The following TMEM181 variants were observed in gnomAD, a reference collection of about 807,000 sequenced individuals.
TMEM181 encodes the protein transmembrane protein 181, also known as G protein-coupled receptor 178.
A neutral mutation model predicts 71.9 loss-of-function variants in TMEM181; 39 were observed. The observed-to-expected ratio is 0.54, with a 90% CI of 0.42 to 0.71. The LOEUF (loss-of-function observed/expected upper bound fraction) is 0.71, where lower values mean the gene tolerates loss of function less well. TMEM181 is among the 30% of genes least tolerant of loss of function. The pLI is 0.00. For missense variants in TMEM181, 595 were observed against 583.0 expected (o/e 1.02, Z -0.21); for synonymous variants, 245 against 228.8 (o/e 1.07, Z -0.64).
At chr6:158,625,470 G>A (rs575683040) in intron 12 of TMEM181, among the ~76,000 whole-genome samples, 2 of 152,282 alleles carry the variant, frequency 1.3e-5, no homozygotes, top group Admixed American at 1.3e-4. Context: ...GAGCTTGCGG[G>A]ATCCTTTCCT....
At chr6:158,540,595 A>C (rs915339626) in intron 1 of TMEM181, among the ~76,000 whole-genome samples, 1 of 152,204 alleles carries the variant, frequency 6.6e-6, no homozygotes, top group Non-Finnish European at 1.5e-5. Context: ...AGCCTGAGCA[A>C]CGTAGTGAAA....
At position 158,579,722 on chromosome 6, in the gene TMEM181, AAAAC is replaced by A. The variant is rs1205266104; in HGVS notation, c.113-1206_113-1203del. ...CAACAAGAGTGAAACGCTGTCTCAA[AAAAC>A]AAACAAACAAAAAACAAAAATAAGG... On this transcript the variant is annotated intron_variant, in intron 2 of 16. Transcript: ENST00000684151. 3.2e-4 allele frequency among the ~76,000 whole-genome samples: 49 copies of A among 152,326 alleles called. 1 individual carries two copies. Among genetic ancestry groups the A allele is most frequent in the Admixed American group, 1.9e-3 (29 of 15,298 alleles).
At chr6:158,542,739 G>A (rs138595114) in intron 1 of TMEM181, among the ~76,000 whole-genome samples, 66 of 152,102 alleles carry the variant, frequency 4.3e-4, no homozygotes, top group African/African-American at 1.5e-3. Context: ...TGAGTAGCTG[G>A]GACTACATGC....
intron 1 of TMEM181, among the ~76,000 whole-genome samples, chr6:158,569,157 G>A (rs980712444): frequency 3.3e-5 from 5 of 152,162 alleles, no homozygotes; most frequent in African/African-American, 1.2e-4. Context: ...CTTTTAGATT[G>A]GAAGTCGAGA....
chr6:158,627,865 C>G (rs1234897982), intron 13 of TMEM181, among the ~76,000 whole-genome samples: 1 of 152,092 alleles, frequency 6.6e-6, no homozygotes, highest in Admixed American at 6.5e-5. Flanking sequence ...GGGGGAGGAG[C>G]CTGTGGACCT....
upstream of TMEM181, among the ~76,000 whole-genome samples, chr6:158,558,802 G>C (rs1316277727): frequency 6.6e-6 from 1 of 152,088 alleles, no homozygotes; most frequent in Non-Finnish European, 1.5e-5. Context: ...GGTGGCTCAC[G>C]TCTGTAATTT....
chr6:158,589,812 A>G (rs763596978), intron 6 of TMEM181, 30 bp downstream of exon 6: 4 of 1,450,698 alleles, frequency 2.8e-6, no homozygotes, highest in South Asian at 1.2e-5. Flanking sequence ...GCACGTTTCC[A>G]TGGCTCATGT....
At chr6:158,596,942 G>A (rs985014186) in intron 6 of TMEM181, among the ~76,000 whole-genome samples, 2 of 152,202 alleles carry the variant, frequency 1.3e-5, no homozygotes, top group Non-Finnish European at 1.5e-5. Flanking sequence ...TTCAAGTTGA[G>A]ATTTGGGTGG....
chr6:158,616,947 T>C (rs2128323631), intron 10 of TMEM181, among the ~76,000 whole-genome samples: 1 of 152,310 alleles, frequency 6.6e-6, no homozygotes, highest in African/African-American at 2.4e-5. Flanking sequence ...TAAAATTCTC[T>C]TTTGTTGTGT....
chr6:158,539,972 A>G (rs544188306), intron 1 of TMEM181, among the ~76,000 whole-genome samples: 92 of 152,364 alleles, frequency 6.0e-4, no homozygotes, highest in African/African-American at 2.0e-3. Flanking sequence ...TCAGATACAC[A>G]TAACAGAAAA....
intron 2 of TMEM181, among the ~76,000 whole-genome samples, chr6:158,575,709 A>G (rs1366657531): frequency 6.6e-6 from 1 of 152,204 alleles, no homozygotes; most frequent in African/African-American, 2.4e-5. Flanking sequence ...CAGATTGTGA[A>G]TCTGTTTAAA....
upstream of TMEM181, among the ~76,000 whole-genome samples, chr6:158,558,323 G>T (rs1159999148): frequency 1.3e-5 from 2 of 152,202 alleles, no homozygotes; most frequent in African/African-American, 2.4e-5. Context: ...CCCTCCCAGG[G>T]TTTAAGATAT....
chr6:158,619,702 G>A (rs541362345), intron 10 of TMEM181, among the ~76,000 whole-genome samples: 1 of 152,062 alleles, frequency 6.6e-6, no homozygotes, highest in South Asian at 2.1e-4. Flanking sequence ...AATGCCGTCT[G>A]TACTAAAATA....
chr6:158,620,629 C>T lies in TMEM181; in HGVS notation c.897-2921C>T, dbSNP rs193030640. Among the ~76,000 whole-genome samples, 11 of 152,258 alleles carry T rather than the reference C, an allele frequency of 7.2e-5. No homozygotes were observed. Among genetic ancestry groups the T allele is most frequent in the East Asian group, 1.9e-4 (1 of 5,184 alleles). ...TGAGAGCCCACTGGGGAGTAGCCCC[C>T]GCCCGAGCCTCGCAGTCCCCTTCAG... On this transcript the variant is annotated intron_variant, in intron 10 of 16. Coordinates refer to ENST00000684151, the MANE Select transcript of TMEM181 (RefSeq NM_001376852.1). This position sits in a 1 kb window ranked among gnomAD's most constrained non-coding sequence, Gnocchi z 4.5.
intron 2 of TMEM181, among the ~76,000 whole-genome samples, chr6:158,577,110 C>G (rs1339355016): frequency 6.6e-6 from 1 of 150,414 alleles, no homozygotes; most frequent in Non-Finnish European, 1.5e-5. Context: ...GAAGTATGAC[C>G]CATCGAAGGG....
At chr6:158,585,181 C>A (rs1783696889) in intron 4 of TMEM181, 123 bp from the exon 5 acceptor site, 1 of 1,018,658 alleles carries the variant, frequency 9.8e-7, no homozygotes, top group Non-Finnish European at 1.4e-6. Context: ...GTGCTGAGGC[C>A]AATGTGGCCT....
chr6:158,598,726 T>C (rs978926581), intron 6 of TMEM181, among the ~76,000 whole-genome samples: 2 of 151,876 alleles, frequency 1.3e-5, no homozygotes, highest in African/African-American at 4.8e-5. Context: ...TAGGCTGGAG[T>C]GCAGTGGCAC....
rs751053282 is a variant in TMEM181 at position 158,573,488 on chromosome 6, T to C, written c.77T>C (p.Ile26Thr). 12 of 1,607,984 alleles carry C rather than the reference T, an allele frequency of 7.5e-6. No individual in the cohort carries two copies. Among genetic ancestry groups the C allele is most frequent in the Admixed American group, 3.4e-5 (2 of 59,154 alleles). Residue 26 changes from isoleucine (I) to threonine (T), a missense_variant, in exon 2 of 17, where the codon ATC (isoleucine) becomes ACC (threonine). Coordinates refer to ENST00000684151, the MANE Select transcript of TMEM181 (RefSeq NM_001376852.1). Reference sequence around the variant, plus strand: ...GTCCTCGTGTTTGTCGTCTTCTTCATCTGCTTTGGCCTGACCATCTTCGTT... The same window carrying C: ...GTCCTCGTGTTTGTCGTCTTCTTCACCTGCTTTGGCCTGACCATCTTCGTT... ...HFVLVFVVFF[I>T]CFGLTIFVGI...
At chr6:158,630,975 G>A (rs906774012) in intron 15 of TMEM181, among the ~76,000 whole-genome samples, 3 of 152,232 alleles carry the variant, frequency 2.0e-5, no homozygotes, top group African/African-American at 7.2e-5. Flanking sequence ...CAAGGACTGG[G>A]CGGGGGCAGG....
Sources: allele counts gnomAD v4.1 joint callset (sites outside exome capture counted in the v4.1 genomes callset), GRCh38; gene constraint gnomAD v4.1.1; non-coding constraint Gnocchi (gnomAD v3.1); transcripts MANE v1.5; gene names NCBI Gene and HGNC (gene_info 2026-07-23, HGNC 2026-07-21).